The following LIMS1 variants were observed in gnomAD, a reference collection of about 807,000 sequenced individuals.
LIMS1 encodes LIM zinc finger domain containing 1.
LIMS1 carries 18 observed loss-of-function variants against 44.1 expected under a neutral mutation model. The ratio of observed to expected loss-of-function variants is 0.41; its 90% CI spans 0.28 to 0.61. LIMS1 has a LOEUF of 0.61. LIMS1 is among the 20% of genes least tolerant of loss of function. The probability of loss-of-function intolerance (pLI) is 0.32; values close to 1 mark genes in which losing one functional copy is unlikely to be tolerated. For missense variants in LIMS1, 201 were observed against 422.0 expected (o/e 0.48, Z 4.59); for synonymous variants, 93 against 149.1 (o/e 0.62, Z 2.74).
At chr2:108,645,632 C>A (rs1336255331) in intron 1 of LIMS1, among the ~76,000 whole-genome samples, 1 of 152,146 alleles carries the variant, frequency 6.6e-6, no homozygotes, top group Non-Finnish European at 1.5e-5. Flanking sequence ...GGATGAAATT[C>A]ACACATAACA....
At chr2:108,554,552 A>G (rs981487875) in intron 1 of LIMS1, among the ~76,000 whole-genome samples, 55 of 152,330 alleles carry the variant, frequency 3.6e-4, no homozygotes, top group African/African-American at 1.3e-3. Context: ...GAGCTAGAGT[A>G]TATTATTTAT....
At chr2:108,551,654 ATATG>A (rs1684716641) in intron 1 of LIMS1, among the ~76,000 whole-genome samples, 1 of 145,806 alleles carries the variant, frequency 6.9e-6, no homozygotes, top group African/African-American at 2.5e-5. Context: ...ATGTGTATAT[ATATG>A]TATATACACA....
chr2:108,558,364 C>T (rs1390542563), intron 1 of LIMS1, among the ~76,000 whole-genome samples: 5 of 151,788 alleles, frequency 3.3e-5, no homozygotes, highest in Admixed American at 1.3e-4. Context: ...ACTACAGGTG[C>T]CTGCCACCAT....
chr2:108,638,481 C>T (rs1288785871), intron 1 of LIMS1, among the ~76,000 whole-genome samples: 1 of 152,158 alleles, frequency 6.6e-6, no homozygotes, highest in African/African-American at 2.4e-5. Context: ...TGGTGGTTCA[C>T]GCCTGTAACC....
intron 1 of LIMS1, among the ~76,000 whole-genome samples, chr2:108,597,817 C>T (rs1351062749): frequency 1.3e-5 from 2 of 151,646 alleles, no homozygotes; most frequent in Non-Finnish European, 2.9e-5. Context: ...CTCAGCCTCC[C>T]GAATAGCTGG....
At chr2:108,546,161 A>G (rs1284599938) in intron 1 of LIMS1, among the ~76,000 whole-genome samples, 2 of 151,410 alleles carry the variant, frequency 1.3e-5, no homozygotes, top group East Asian at 3.9e-4. Flanking sequence ...GTATCTAGAT[A>G]GTCCTTCACT....
intron 2 of LIMS1, among the ~76,000 whole-genome samples, chr2:108,667,110 G>A (rs1351602060): frequency 1.3e-5 from 2 of 152,014 alleles, no homozygotes; most frequent in African/African-American, 2.4e-5. Context: ...CCAACCATCC[G>A]ATTCTGCCTT....
chr2:108,641,886 G>T (rs956620116), intron 1 of LIMS1, among the ~76,000 whole-genome samples: 1 of 152,344 alleles, frequency 6.6e-6, no homozygotes, highest in South Asian at 2.1e-4. Context: ...TACAAAATGG[G>T]AAGGAACTTC....
intron 1 of LIMS1, among the ~76,000 whole-genome samples, chr2:108,598,374 T>G (rs561789763): frequency 8.5e-5 from 13 of 152,358 alleles, no homozygotes; most frequent in African/African-American, 3.1e-4. Flanking sequence ...GACATAGCTT[T>G]AATAAAATTA....
chr2:108,550,129 A>G (rs1684631198), intron 1 of LIMS1, among the ~76,000 whole-genome samples: 1 of 152,170 alleles, frequency 6.6e-6, no homozygotes, highest in Non-Finnish European at 1.5e-5. Context: ...GTGAAACTAT[A>G]AATATGGTAT....
intron 1 of LIMS1, among the ~76,000 whole-genome samples, chr2:108,600,891 T>TTCTTTTCTTC (rs367582147): frequency 0.039 from 3,526 of 90,880 alleles, 78 homozygotes; most frequent in East Asian, 0.25. Context: ...GAATTGTTCG[T>TTCTTTTCTTC]TCTTCTCTTC....
At chr2:108,551,951 G>A (rs567099300) in intron 1 of LIMS1, among the ~76,000 whole-genome samples, 10,039 of 127,898 alleles carry the variant, frequency 0.078, 515 homozygotes, top group South Asian at 0.28. Context: ...GTGTGTGTGT[G>A]TGTATATATA....
At chr2:108,564,807 G>A (rs1370968441) in intron 1 of LIMS1, among the ~76,000 whole-genome samples, 1 of 151,624 alleles carries the variant, frequency 6.6e-6, no homozygotes, top group African/African-American at 2.4e-5. Context: ...GGTTGTCAAA[G>A]AGGGAAAGAC....
chr2:108,621,547 T>C (rs1476902415), intron 1 of LIMS1: 3 of 948,910 alleles, frequency 3.2e-6, no homozygotes, highest in Non-Finnish European at 5.0e-6. Context: ...GGATGCAGCG[T>C]TGGGAAGTAC....
chr2:108,673,082 A>G lies in LIMS1; in HGVS notation c.530+53A>G. ...ACAAGCAGTGGGAATGAAAGATTAC[A>G]TTTATCTATATTTCTGTTACTCTAG... is the stretch of plus-strand genomic sequence containing the variant. On this transcript the variant is annotated intron_variant, in intron 5 of 9. Coordinates refer to ENST00000544547, the Ensembl canonical transcript of LIMS1. 3.3e-6 allele frequency: 4 copies of G among 1,219,234 alleles called. No homozygotes were observed. In the South Asian group the frequency reaches 6.0e-5, roughly 18 times the overall value. 75.5% of individuals were successfully genotyped at this position (1,219,234 alleles called of 1,614,324 possible).
At chr2:108,597,174 G>A (rs190711448) in intron 1 of LIMS1, among the ~76,000 whole-genome samples, 1 of 152,072 alleles carries the variant, frequency 6.6e-6, no homozygotes, top group African/African-American at 2.4e-5. Context: ...CTCCAAAAGT[G>A]CTGAGATTAC....
chr2:108,644,149 C>G (rs1689905670), intron 1 of LIMS1, among the ~76,000 whole-genome samples: 1 of 152,208 alleles, frequency 6.6e-6, no homozygotes, highest in Non-Finnish European at 1.5e-5. Flanking sequence ...GCACAGCGTT[C>G]AAGCTCTGAT....
intron 1 of LIMS1, among the ~76,000 whole-genome samples, chr2:108,549,511 T>G (rs1339172255): frequency 6.6e-6 from 1 of 152,000 alleles, no homozygotes; most frequent in Admixed American, 6.6e-5. Flanking sequence ...GCCAGGATGG[T>G]AAGTACAGTG....
chr2:108,649,690 G>A (rs1236861188), intron 1 of LIMS1, among the ~76,000 whole-genome samples: 6 of 152,176 alleles, frequency 3.9e-5, no homozygotes, highest in Non-Finnish European at 8.8e-5. Flanking sequence ...GATGATGCTG[G>A]AAACCATCAT....
Sources: gnomAD v4.1 joint callset for allele counts (sites outside exome capture counted in the v4.1 genomes callset) on GRCh38, gnomAD v4.1.1 for gene constraint, MANE v1.5 for transcripts, NCBI Gene and HGNC (gene_info 2026-07-23, HGNC 2026-07-21) for gene names.